The following ZNF618 variants were observed in gnomAD, a reference collection of about 807,000 sequenced individuals.
The protein encoded by ZNF618 is neural precursor cell expressed, developmentally down-regulated 10.
ZNF618 carries 34 observed loss-of-function variants against 103.0 expected under a neutral mutation model. The ratio of observed to expected loss-of-function variants is 0.33; its 90% CI spans 0.25 to 0.44. The LOEUF is 0.44. ZNF618 is among the 20% of genes least tolerant of loss of function. ZNF618 has a pLI of 1.00. For missense variants in ZNF618, 1,059 were observed against 1,295.4 expected (o/e 0.82, Z 2.80); for synonymous variants, 551 against 542.2 (o/e 1.02, Z -0.23).
intron 1 of ZNF618, among the ~76,000 whole-genome samples, chr9:113,963,089 A>C (rs181786599): frequency 4.6e-5 from 7 of 152,322 alleles, no homozygotes; most frequent in Admixed American, 2.0e-4. Context: ...TGGAAAGGAA[A>C]TAGATATATA....
In ZNF618 at chr9:114,049,888, A is replaced by G. The variant is rs1845996052; in HGVS notation, c.2586A>G (p.Ala862=). ...GCTCTGCTGCCGTCGAGAACCCCGC[A>G]GCTCAGGAAGATGATCGGCTAGGCA... ...KPRSAAVENP[A]AQEDDRLGKN... The change falls in exon 15 of 15, where the codon GCA becomes GCG. Residue 862 remains alanine, a synonymous_variant. Coordinates refer to ENST00000374126, the MANE Select transcript of ZNF618 (RefSeq NM_001318042.2). The G allele has an allele frequency of 5.0e-6, 8 of 1,613,806 alleles. No homozygotes were observed. Among genetic ancestry groups the G allele is most frequent in the Non-Finnish European group, 6.8e-6 (8 of 1,179,906 alleles).
At chr9:113,895,462 G>A (rs1260182083) in intron 1 of ZNF618, among the ~76,000 whole-genome samples, 1 of 152,006 alleles carries the variant, frequency 6.6e-6, no homozygotes, top group Non-Finnish European at 1.5e-5. Context: ...CCAATTTGCA[G>A]CGTTTTGTGT....
intron 13 of ZNF618, among the ~76,000 whole-genome samples, chr9:114,042,268 T>C (rs7863836): frequency 6.6e-6 from 1 of 152,084 alleles, no homozygotes; most frequent in Admixed American, 6.5e-5. Flanking sequence ...TTTTAAAATA[T>C]GACTTACAGA....
At chr9:113,892,313 G>A (rs1274910296) in intron 1 of ZNF618, among the ~76,000 whole-genome samples, 3 of 152,086 alleles carry the variant, frequency 2.0e-5, no homozygotes, top group Non-Finnish European at 2.9e-5. Flanking sequence ...ATTATGTATA[G>A]TACCTAATAC....
At chr9:113,877,920 C>T (rs1828111075) in intron 1 of ZNF618, among the ~76,000 whole-genome samples, 1 of 152,048 alleles carries the variant, frequency 6.6e-6, no homozygotes, top group Non-Finnish European at 1.5e-5. Flanking sequence ...CACAGAAGCT[C>T]ATTTTTTATG....
At chr9:113,919,360 A>G (rs1832429352) in intron 1 of ZNF618, among the ~76,000 whole-genome samples, 1 of 152,260 alleles carries the variant, frequency 6.6e-6, no homozygotes, top group African/African-American at 2.4e-5. Flanking sequence ...CGAGATGCAC[A>G]GGCCTCGCTT....
intron 6 of ZNF618, among the ~76,000 whole-genome samples, chr9:114,004,522 G>A (rs779045012): frequency 3.3e-5 from 5 of 152,220 alleles, no homozygotes; most frequent in Non-Finnish European, 7.3e-5. Context: ...GTTGTGTTCC[G>A]TCTGGCTTCC....
At position 113,932,681 on chromosome 9, in the gene ZNF618, A is replaced by C. The variant is rs182258187; in HGVS notation, c.34-36436A>C. On this transcript the variant is annotated intron_variant, in intron 1 of 14. Coordinates refer to ENST00000374126, the MANE Select transcript of ZNF618 (RefSeq NM_001318042.2). Reference sequence around the variant, plus strand: ...GCATGAAGGAATTGAGGCTAACCCCAGTCTAGGTATTGGCCTGAGCGCTGG... The same window carrying C: ...GCATGAAGGAATTGAGGCTAACCCCCGTCTAGGTATTGGCCTGAGCGCTGG... Among the ~76,000 whole-genome samples the C allele has an allele frequency of 3.1e-3, 471 of 152,240 alleles. 4 individuals are homozygous for C. The highest frequency in any genetic ancestry group is 0.011 in the African/African-American group (453 of 41,538).
intron 2 of ZNF618, 108 bp downstream of exon 2, chr9:113,969,268 C>A: frequency 7.4e-7 from 1 of 1,342,430 alleles, no homozygotes; most frequent in Non-Finnish European, 1.1e-6. Flanking sequence ...GATGGGTGGT[C>A]CAGGCCAGCC....
chr9:113,968,079 A>C (rs912866371), intron 1 of ZNF618, among the ~76,000 whole-genome samples: 1 of 152,344 alleles, frequency 6.6e-6, no homozygotes, highest in South Asian at 2.1e-4. Context: ...CCTGAAATTC[A>C]AAAAAACTCA....
At chr9:113,954,592 A>T (rs1836078810) in intron 1 of ZNF618, among the ~76,000 whole-genome samples, 1 of 152,186 alleles carries the variant, frequency 6.6e-6, no homozygotes, top group Non-Finnish European at 1.5e-5. Context: ...GACTGGACTC[A>T]GGTGGACTCT....
At position 114,004,985 on chromosome 9, in the gene ZNF618, C is replaced by G. The variant is rs562355644; in HGVS notation, c.550+2323C>G. ...TCCACTAAGGAATAAAAGATTAGCC[C>G]CTCATGCTACTGTCACATTGATATT... On this transcript the variant is annotated intron_variant, in intron 6 of 14. Transcript: ENST00000374126. Among the ~76,000 whole-genome samples the G allele has an allele frequency of 3.6e-4, 55 of 152,254 alleles. No homozygotes were observed. The South Asian group carries it at 5.6e-3, about 16-fold the overall frequency.
At chr9:114,035,723 A>G (rs142522576) in intron 12 of ZNF618, among the ~76,000 whole-genome samples, 78 of 150,642 alleles carry the variant, frequency 5.2e-4, no homozygotes, top group African/African-American at 1.8e-3. Flanking sequence ...GCCTGTTCCT[A>G]CGCGTGCCCT....
At chr9:113,992,032 A>G (rs1840114352) in intron 3 of ZNF618, among the ~76,000 whole-genome samples, 1 of 152,190 alleles carries the variant, frequency 6.6e-6, no homozygotes, top group Non-Finnish European at 1.5e-5. Flanking sequence ...CCTCATCACC[A>G]GGAAAGAAAG....
intron 10 of ZNF618, among the ~76,000 whole-genome samples, chr9:114,022,182 C>T (rs1220611882): frequency 6.6e-6 from 1 of 151,894 alleles, no homozygotes; most frequent in Non-Finnish European, 1.5e-5. Context: ...TGTTGTTTTC[C>T]AAAGTAGTTG....
chr9:113,976,018 G>T (rs1838434336), intron 2 of ZNF618, among the ~76,000 whole-genome samples: 1 of 152,224 alleles, frequency 6.6e-6, no homozygotes, highest in Non-Finnish European at 1.5e-5. Context: ...TTGGTGGGCA[G>T]AGTTCACTCT....
At chr9:113,970,697 T>C (rs1837877262) in intron 2 of ZNF618, among the ~76,000 whole-genome samples, 1 of 152,000 alleles carries the variant, frequency 6.6e-6, no homozygotes, top group Non-Finnish European at 1.5e-5. Flanking sequence ...GAGTCAGTTC[T>C]ACCCTCAGGG....
intron 1 of ZNF618, among the ~76,000 whole-genome samples, chr9:113,895,988 TATA>T: frequency 6.6e-6 from 1 of 152,264 alleles, no homozygotes; most frequent in East Asian, 1.9e-4. Context: ...TAGAACAGAA[TATA>T]ATGTTATTTT....
chr9:114,034,201 T>G (rs184727314), intron 12 of ZNF618, among the ~76,000 whole-genome samples: 1 of 152,292 alleles, frequency 6.6e-6, no homozygotes, highest in African/African-American at 2.4e-5. Context: ...GATGACTGCT[T>G]TGCGGAAGGG....
Sources: gnomAD v4.1 joint callset for allele counts (sites outside exome capture counted in the v4.1 genomes callset) on GRCh38, gnomAD v4.1.1 for gene constraint, MANE v1.5 for transcripts, NCBI Gene and HGNC (gene_info 2026-07-23, HGNC 2026-07-21) for gene names.